RASGEF1B: variants seen among roughly 807,000 people sequenced by gnomAD.
The protein encoded by RASGEF1B is RasGEF domain family member 1B.
Under a neutral mutation model 65.7 loss-of-function variants are expected in RASGEF1B, and 30 were observed. The observed-to-expected ratio is 0.46, with a 90% CI of 0.34 to 0.62. RASGEF1B has a LOEUF of 0.62. Ranked by LOEUF, RASGEF1B falls within the 20% of genes least tolerant of loss-of-function variation. The pLI is 0.01. For synonymous variants in RASGEF1B, 175 were observed against 194.8 expected (o/e 0.90, Z 0.85); for missense variants, 495 against 580.1 (o/e 0.85, Z 1.51).
At chr4:81,431,694 A>T (rs1189778948) in intron 13 of RASGEF1B, among the ~76,000 whole-genome samples, 2 of 152,238 alleles carry the variant, frequency 1.3e-5, no homozygotes, top group Non-Finnish European at 2.9e-5. Context: ...AATGATAACA[A>T]GTTTGATTAT....
intron 1 of RASGEF1B, among the ~76,000 whole-genome samples, chr4:81,468,081 A>T (rs1035052941): frequency 6.6e-6 from 1 of 152,198 alleles, no homozygotes; most frequent in African/African-American, 2.4e-5. Context: ...TGGCTACCAT[A>T]CTGAACAGCA....
chr4:81,447,763 T>A (rs1722085859), intron 5 of RASGEF1B, among the ~76,000 whole-genome samples, 185 bp from the exon 6 acceptor site: 1 of 152,150 alleles, frequency 6.6e-6, no homozygotes, highest in Non-Finnish European at 1.5e-5. Flanking sequence ...CTTGGGTCAA[T>A]GTTCCACAAG....
chr4:81,435,532 G>A (rs1313363036), intron 10 of RASGEF1B, among the ~76,000 whole-genome samples: 19 of 121,542 alleles, frequency 1.6e-4, no homozygotes, highest in East Asian at 5.3e-4. Flanking sequence ...GCAGTAGTGC[G>A]ATCTCTGCTC....
At chr4:81,444,051 A>G (rs1721937342) in intron 8 of RASGEF1B, among the ~76,000 whole-genome samples, 1 of 152,212 alleles carries the variant, frequency 6.6e-6, no homozygotes, top group African/African-American at 2.4e-5. Flanking sequence ...ACACCATTTC[A>G]GATACTCGTT....
intron 1 of RASGEF1B, among the ~76,000 whole-genome samples, chr4:81,460,693 G>A (rs1722611818): frequency 1.3e-5 from 2 of 152,158 alleles, no homozygotes; most frequent in African/African-American, 4.8e-5. Context: ...GGCGGCCAGG[G>A]GTGGGGCATT....
At chr4:81,432,841 A>T (rs1027436970) in intron 12 of RASGEF1B, among the ~76,000 whole-genome samples, 1 of 151,708 alleles carries the variant, frequency 6.6e-6, no homozygotes, top group African/African-American at 2.4e-5. Flanking sequence ...AATCAGAAAG[A>T]CTCTTCATTT....
At chr4:81,445,660 TC>T in intron 7 of RASGEF1B, 32 bp from the exon 8 acceptor site, 1 of 1,590,020 alleles carries the variant, frequency 6.3e-7, no homozygotes, top group Non-Finnish European at 8.6e-7. Context: ...AGGGCAGTTA[TC>T]CAGTATGAAG....
intron 4 of RASGEF1B, chr4:81,456,334 G>A (rs1313794861): frequency 1.7e-6 from 1 of 595,360 alleles, no homozygotes; most frequent in Non-Finnish European, 3.0e-6. Context: ...AACTAGCTGT[G>A]TCAAACCTTT....
chr4:81,433,681 G>A (rs1231929668), intron 12 of RASGEF1B, among the ~76,000 whole-genome samples, 159 bp downstream of exon 12: 1 of 152,130 alleles, frequency 6.6e-6, no homozygotes, highest in East Asian at 1.9e-4. Context: ...AAATATTTTA[G>A]GGACAAATCA....
intron 12 of RASGEF1B, 41 bp from the exon 13 acceptor site, chr4:81,432,412 TCTC>T: frequency 7.9e-7 from 1 of 1,260,436 alleles, no homozygotes; most frequent in African/African-American, 1.5e-5. Context: ...ATTAAAGCCT[TCTC>T]CTGATATATT....
At chr4:81,463,414 A>G (rs990202304) in intron 1 of RASGEF1B, among the ~76,000 whole-genome samples, 1 of 152,234 alleles carries the variant, frequency 6.6e-6, no homozygotes, top group Non-Finnish European at 1.5e-5. Context: ...TGATATATGC[A>G]ATGACAGAGC....
intron 1 of RASGEF1B, among the ~76,000 whole-genome samples, chr4:81,467,550 T>A (rs556026395): frequency 6.6e-6 from 1 of 152,338 alleles, no homozygotes; most frequent in African/African-American, 2.4e-5. Context: ...TAGCTACATC[T>A]TCCATGCAGT....
intron 1 of RASGEF1B, among the ~76,000 whole-genome samples, chr4:81,463,811 G>C (rs529386292): frequency 2.0e-5 from 3 of 152,198 alleles, no homozygotes; most frequent in Admixed American, 6.5e-5. Flanking sequence ...TTGATGTCTG[G>C]GTCTTTTATT....
chr4:81,463,912 A>G (rs948487529), intron 1 of RASGEF1B, among the ~76,000 whole-genome samples: 3 of 152,222 alleles, frequency 2.0e-5, no homozygotes, highest in African/African-American at 7.2e-5. Context: ...CAATATTCAA[A>G]GTGCTGGGCA....
chr4:81,469,096 AG>A (rs777530663), intron 1 of RASGEF1B, among the ~76,000 whole-genome samples: 1 of 152,188 alleles, frequency 6.6e-6, no homozygotes, highest in Non-Finnish European at 1.5e-5. Flanking sequence ...TGAAAAAGTG[AG>A]GGGGGTGGGC....
rs776099126 is a variant in RASGEF1B, at chr4:81,445,843, A to G, written c.730-5T>C. The G allele has an allele frequency of 6.2e-7, 1 of 1,609,274 alleles. No homozygotes were observed. Among genetic ancestry groups the G allele is most frequent in the Non-Finnish European group, 8.5e-7 (1 of 1,175,926 alleles). ...CTTCCGTTCACTGTAGCAACTCTTT[A>G]GAGAAAACAAAGTAAACAGATGAGT... On this transcript the variant is annotated splice_polypyrimidine_tract_variant and splice_region_variant and intron_variant, in intron 6 of 13. Transcript: ENST00000264400.
chr4:81,465,321 G>A (rs1191939099), intron 1 of RASGEF1B, among the ~76,000 whole-genome samples: 1 of 152,188 alleles, frequency 6.6e-6, no homozygotes, highest in Non-Finnish European at 1.5e-5. Context: ...CAGGCGAAAA[G>A]AAAGTGTAGA....
At chr4:81,432,620 C>A (rs1455720787) in intron 12 of RASGEF1B, among the ~76,000 whole-genome samples, 1 of 151,396 alleles carries the variant, frequency 6.6e-6, no homozygotes, top group African/African-American at 2.4e-5. Flanking sequence ...ATGTATAAGG[C>A]AAAAAAAAGC....
intron 4 of RASGEF1B, chr4:81,455,121 T>C (rs986914109): frequency 6.6e-6 from 1 of 152,156 alleles, no homozygotes; most frequent in Admixed American, 6.5e-5. Context: ...CCCTCAACAA[T>C]TAATATACTT....
Sources: gnomAD v4.1 joint callset for allele counts (sites outside exome capture counted in the v4.1 genomes callset) on GRCh38, gnomAD v4.1.1 for gene constraint, MANE v1.5 for transcripts, NCBI Gene and HGNC (gene_info 2026-07-23, HGNC 2026-07-21) for gene names.